Variants in YTHDF2 observed in about 807,000 individuals in gnomAD.
YTHDF2 encodes the protein YTH domain-containing family protein 2.
Under a neutral mutation model 50.4 loss-of-function variants are expected in YTHDF2, and 2 were observed. That is an observed-to-expected ratio of 0.04 (90% CI 0.02 to 0.12). YTHDF2 has a LOEUF of 0.12. YTHDF2 is among the 10% of genes least tolerant of loss of function. The pLI, the probability that YTHDF2 is intolerant of heterozygous loss-of-function variation, is 1.00. For synonymous variants in YTHDF2, 217 were observed against 255.6 expected (o/e 0.85, Z 1.44); for missense variants, 483 against 722.6 (o/e 0.67, Z 3.80).
At chr1:28,740,577 GATTA>G (rs1292546848) in intron 3 of YTHDF2, among the ~76,000 whole-genome samples, 6 of 152,056 alleles carry the variant, frequency 3.9e-5, no homozygotes, top group Non-Finnish European at 5.9e-5. Flanking sequence ...TTAATCTGTT[GATTA>G]TAGGCTGAAT....
At chr1:28,737,923 T>C in intron 2 of YTHDF2, 1 of 592,128 alleles carries the variant, frequency 1.7e-6, no homozygotes, top group Non-Finnish European at 3.0e-6. Flanking sequence ...CTCCAGGTCC[T>C]TAGTTTCCTG....
chr1:28,744,694 C>T (rs766154371), intron 4 of YTHDF2, among the ~76,000 whole-genome samples: 3 of 151,944 alleles, frequency 2.0e-5, no homozygotes, highest in Non-Finnish European at 4.4e-5. Context: ...TTTTTTTGGA[C>T]AGGGTTCTCT....
At chr1:28,737,815 A>G (rs555682247) in intron 2 of YTHDF2, 133 bp downstream of exon 2, 2 of 1,027,240 alleles carry the variant, frequency 1.9e-6, no homozygotes, top group Non-Finnish European at 2.8e-6. Context: ...ACACTTAAGT[A>G]TTTTGACCCT....
At chr1:28,754,390 C>T (rs1218199669) in intron 4 of YTHDF2, among the ~76,000 whole-genome samples, 2 of 152,002 alleles carry the variant, frequency 1.3e-5, no homozygotes, top group African/African-American at 4.8e-5. Flanking sequence ...ATTAGCCGGG[C>T]GTGGTGACGG....
chr1:28,737,879 C>G (rs2087719938), intron 2 of YTHDF2, 197 bp downstream of exon 2: 2 of 577,188 alleles, frequency 3.5e-6, no homozygotes, highest in African/African-American at 3.8e-5. Flanking sequence ...AGGAGTAATT[C>G]ATTAAGGGTG....
At chr1:28,751,499 C>G (rs2087951452) in intron 4 of YTHDF2, among the ~76,000 whole-genome samples, 1 of 152,084 alleles carries the variant, frequency 6.6e-6, no homozygotes, top group South Asian at 2.1e-4. Context: ...TTTTGTCTTG[C>G]AGATAAATAT....
At chr1:28,763,548 C>G (rs1240481151) in intron 4 of YTHDF2, among the ~76,000 whole-genome samples, 1 of 152,038 alleles carries the variant, frequency 6.6e-6, no homozygotes, top group East Asian at 1.9e-4. Context: ...CTCCACCACC[C>G]AGGTTCAAGC....
chr1:28,762,890 T>G (rs530022624), intron 4 of YTHDF2, among the ~76,000 whole-genome samples: 1 of 152,288 alleles, frequency 6.6e-6, no homozygotes, highest in South Asian at 2.1e-4. Flanking sequence ...TAGGCTGGAG[T>G]GCAGTGGCGC....
Position 28,744,163 on chromosome 1 carries a change from T to C in YTHDF2, c.1716+177T>C, listed in dbSNP as rs114662338. On this transcript the variant is annotated intron_variant, in intron 4 of 4. Transcript: ENST00000373812. ...ATACTTGAACCCTAATGTGAAGGAA[T>C]GTGAGAACATTAGTAGAGGACAGAA... is the stretch of plus-strand genomic sequence containing the variant. Among the ~76,000 whole-genome samples the C allele has an allele frequency of 4.9e-3, 744 of 152,258 alleles. 9 individuals carry two copies. The highest frequency in any genetic ancestry group is 0.017 in the African/African-American group (715 of 41,542).
intron 4 of YTHDF2, among the ~76,000 whole-genome samples, chr1:28,767,183 T>C (rs1230423126): frequency 6.6e-6 from 1 of 152,088 alleles, no homozygotes; most frequent in Admixed American, 6.6e-5. Flanking sequence ...AGTTTGACTT[T>C]TGAAGCAATA....
At chr1:28,765,122 C>T (rs991531585) in intron 4 of YTHDF2, among the ~76,000 whole-genome samples, 1 of 152,042 alleles carries the variant, frequency 6.6e-6, no homozygotes, top group Non-Finnish European at 1.5e-5. Context: ...TGCCTTCAGC[C>T]TCCCCAGCAG....
At chr1:28,737,784 C>A (rs776449853) in intron 2 of YTHDF2, 102 bp downstream of exon 2, 7 of 1,413,060 alleles carry the variant, frequency 5.0e-6, no homozygotes, top group African/African-American at 4.2e-5. Flanking sequence ...TTTCGGAAGC[C>A]GCTTAGTTCG....
chr1:28,763,920 TTTA>T (rs1007184196), intron 4 of YTHDF2, among the ~76,000 whole-genome samples: 11 of 149,158 alleles, frequency 7.4e-5, no homozygotes, highest in East Asian at 3.9e-4. Context: ...AGCTCATATC[TTTA>T]TTATTATTAT....
chr1:28,763,887 T>A (rs2088174738), intron 4 of YTHDF2, among the ~76,000 whole-genome samples: 1 of 150,360 alleles, frequency 6.7e-6, no homozygotes, highest in Admixed American at 6.6e-5. Flanking sequence ...TTTTTTCCTA[T>A]TATATATACT....
At chr1:28,768,838 A>G in intron 4 of YTHDF2, 91 bp from the exon 5 acceptor site, 6 of 951,898 alleles carry the variant, frequency 6.3e-6, no homozygotes, top group South Asian at 2.0e-5. Context: ...AAATAATTAA[A>G]TTTCTGTTGA....
At chr1:28,768,122 C>T (rs1445918823) in intron 4 of YTHDF2, among the ~76,000 whole-genome samples, 8 of 151,752 alleles carry the variant, frequency 5.3e-5, no homozygotes, top group African/African-American at 1.7e-4. Flanking sequence ...GGCTTGAACC[C>T]GGGAGGCCGA....
chr1:28,768,160 T>C (rs1312397298), intron 4 of YTHDF2, among the ~76,000 whole-genome samples: 1 of 152,002 alleles, frequency 6.6e-6, no homozygotes, highest in African/African-American at 2.4e-5. Flanking sequence ...ATCGCGCCAT[T>C]GTACTCTAGC....
chr1:28,751,865 A>G (rs918776522), intron 4 of YTHDF2, among the ~76,000 whole-genome samples: 8 of 152,230 alleles, frequency 5.3e-5, no homozygotes, highest in African/African-American at 1.9e-4. Context: ...GAAATTAAGA[A>G]TTCATGGAGG....
Position 28,746,117 on chromosome 1 carries a change from A to G in YTHDF2, c.1716+2131A>G, listed in dbSNP as rs960086859. 3.9e-5 allele frequency among the ~76,000 whole-genome samples: 6 copies of G among 152,172 alleles called. 1 individual carries two copies. The highest frequency in any genetic ancestry group is 3.9e-4 in the Admixed American group (6 of 15,260). ...TTTTGCTAGACATCTGAAGGGCTCTAAATGGTCATCAGGCTTCTGTTTCTA... is the reference window on the plus strand; with the variant it reads ...TTTTGCTAGACATCTGAAGGGCTCTGAATGGTCATCAGGCTTCTGTTTCTA... On this transcript the variant is annotated intron_variant, in intron 4 of 4. Coordinates refer to ENST00000373812, the MANE Select transcript of YTHDF2 (RefSeq NM_016258.3).
Sources: allele counts gnomAD v4.1 joint callset (sites outside exome capture counted in the v4.1 genomes callset), GRCh38; gene constraint gnomAD v4.1.1; transcripts MANE v1.5; gene names NCBI Gene and HGNC (gene_info 2026-07-23, HGNC 2026-07-21).